The following TPR variants were observed in gnomAD, a reference collection of about 807,000 sequenced individuals.
The protein encoded by TPR is translocated promoter region, nuclear basket protein, also known as nucleoprotein TPR.
TPR carries 51 observed loss-of-function variants against 316.1 expected under a neutral mutation model. The observed-to-expected ratio is 0.16, with a 90% confidence interval of 0.13 to 0.20. TPR has a LOEUF of 0.20. Ranked by LOEUF, TPR falls within the 10% of genes least tolerant of loss-of-function variation. The pLI is 1.00. For synonymous variants in TPR, 981 were observed against 914.7 expected (o/e 1.07, Z -1.31); for missense variants, 2,272 against 2,754.8 (o/e 0.82, Z 3.92).
intron 46 of TPR, 41 bp from the exon 47 acceptor site, chr1:186,318,869 C>T (rs762087201): frequency 6.6e-5 from 105 of 1,580,834 alleles, no homozygotes; most frequent in Admixed American, 4.6e-4. Flanking sequence ...CTGAAAAAAA[C>T]ATAAAATTAT....
At position 186,343,469 on chromosome 1, in the gene TPR, T is replaced by C. The variant is rs1658573459; in HGVS notation, c.3607A>G (p.Ile1203Val). Residue 1203 changes from isoleucine (I) to valine (V), a missense_variant, in exon 27 of 51, where the codon ATA (isoleucine) becomes GTA (valine). By Grantham distance (29) the Ile-to-Val change is conservative. Coordinates refer to ENST00000367478, the MANE Select transcript of TPR (RefSeq NM_003292.3). ...QEQILEILRF[I>V]RREKEIAETR... ...TCAGCAATTTCTTTTTCTCGTCGTA[T>C]AAATCTACAAAAATACAGATATTAA... 1.9e-6 allele frequency: 3 copies of C among 1,610,808 alleles called. No individual in the cohort carries two copies. The highest frequency in any genetic ancestry group is 2.5e-6 in the Non-Finnish European group (3 of 1,179,178).
At position 186,359,929 on chromosome 1, in the gene TPR, T is replaced by C. The variant is rs1402885678; in HGVS notation, c.1259A>G (p.Asn420Ser). 1.7e-5 allele frequency: 28 copies of C among 1,609,850 alleles called. No individual in the cohort carries two copies. The highest frequency in any genetic ancestry group is 2.4e-5 in the Non-Finnish European group (28 of 1,178,962). ...TTTCACTATTTCATCTAGGTACTTATTAATTCTTTTGTTCTCTAGTTTCTC... is the reference window on the plus strand; with the variant it reads ...TTTCACTATTTCATCTAGGTACTTACTAATTCTTTTGTTCTCTAGTTTCTC... ...LLEKLENKRI[N>S]KYLDEIVKEV... Residue 420 changes from asparagine to serine, a missense_variant, in exon 12 of 51, where the codon AAT (asparagine) becomes AGT (serine). Asn to Ser is a conservative substitution (Grantham distance 46). Around this residue, in one of 10 missense-constraint regions of TPR, gnomAD observed 549 missense variants for 598.6 expected, o/e 0.92. Coordinates refer to ENST00000367478, the MANE Select transcript of TPR (RefSeq NM_003292.3).
chr1:186,342,835 G>A (rs1658549577), intron 27 of TPR: 1 of 152,074 alleles, frequency 6.6e-6, no homozygotes, highest in African/African-American at 2.4e-5. Flanking sequence ...CTTTTCCTTT[G>A]GTTGTTAGTT....
intron 42 of TPR, 94 bp from the exon 43 acceptor site, chr1:186,323,964 G>T: frequency 7.8e-7 from 1 of 1,274,312 alleles, no homozygotes; most frequent in South Asian, 1.5e-5. Context: ...CAACAGGAAT[G>T]TTCACCGTAC....
Position 186,346,128 on chromosome 1 carries a change from T to C in TPR, c.3096+7A>G. 6.3e-7 allele frequency: 1 copy of C among 1,596,434 alleles called. No individual in the cohort carries two copies. Among genetic ancestry groups the C allele is most frequent in the Non-Finnish European group, 8.5e-7 (1 of 1,173,602 alleles). ...AAAAAAAAAATTAATACGGTTAACC[T>C]ATTTACCTGTTGTTCCATGCTCTCT... is the stretch of plus-strand genomic sequence containing the variant. On this transcript the variant is annotated splice_region_variant and intron_variant, in intron 23 of 50. Coordinates refer to ENST00000367478, the MANE Select transcript of TPR (RefSeq NM_003292.3).
At chr1:186,336,331 G>C (rs905861453) in intron 33 of TPR, among the ~76,000 whole-genome samples, 165 bp downstream of exon 33, 7 of 152,082 alleles carry the variant, frequency 4.6e-5, no homozygotes, top group African/African-American at 1.7e-4. Context: ...TGAAAATTAG[G>C]ATTGCTCTTT....
chr1:186,328,703 T>C (rs958385237), intron 39 of TPR, among the ~76,000 whole-genome samples: 3 of 152,186 alleles, frequency 2.0e-5, no homozygotes, highest in Non-Finnish European at 2.9e-5. Context: ...CATTGTCCTT[T>C]TACAAAGAAC....
At chr1:186,373,333 C>G (rs1659590049) in intron 2 of TPR, 26 bp downstream of exon 2, 1 of 1,555,230 alleles carries the variant, frequency 6.4e-7, no homozygotes, top group African/African-American at 1.4e-5. Flanking sequence ...TCCGAGAATA[C>G]TTACAAAGAT....
At chr1:186,342,668 G>A (rs1427110671) in intron 27 of TPR, 2 of 152,206 alleles carry the variant, frequency 1.3e-5, no homozygotes, top group African/African-American at 4.8e-5. Flanking sequence ...GTTAAAAGAA[G>A]ATAAATGTTT....
In TPR at chr1:186,327,603, G is replaced by C; in HGVS notation, c.5746C>G (p.Leu1916Val). 6.2e-7 allele frequency: 1 copy of C among 1,612,908 alleles called. No homozygotes were observed. Among genetic ancestry groups the C allele is most frequent in the South Asian group, 1.1e-5 (1 of 91,062 alleles). The change falls in exon 40 of 51, where the codon CTA (leucine) becomes GTA (valine). Residue 1916 changes from leucine to valine, a missense_variant. By Grantham distance (32) the Leu-to-Val change is conservative. Transcript: ENST00000367478. Reference protein sequence around the residue: ...MEDSEETSQSLQIDLGPLQSD... With the variant: ...MEDSEETSQSVQIDLGPLQSD... The stretch of plus-strand genomic sequence containing the variant: ...TGAAGTGGCCCAAGATCTATTTGTA[G>C]AGACTGAGAGGTTTCTTCACTGTCT...
intron 21 of TPR, among the ~76,000 whole-genome samples, chr1:186,347,780 G>A (rs1170059932): frequency 2.0e-5 from 3 of 152,118 alleles, no homozygotes; most frequent in Non-Finnish European, 4.4e-5. Context: ...TAAATGTTAC[G>A]GGAAGTCAGG....
At chr1:186,318,307 G>A (rs1175310178) in intron 48 of TPR, 140 bp downstream of exon 48, 7 of 1,110,610 alleles carry the variant, frequency 6.3e-6, no homozygotes, top group East Asian at 5.2e-5. Flanking sequence ...CAGCATGGGC[G>A]ACAGAGCGAG....
At chr1:186,365,503 T>C (rs1044112734) in intron 4 of TPR, among the ~76,000 whole-genome samples, 10 of 152,138 alleles carry the variant, frequency 6.6e-5, no homozygotes, top group African/African-American at 2.4e-4. Flanking sequence ...CTCCCAAACA[T>C]GTTTCTAATT....
chr1:186,371,380 G>A (rs75008037), intron 2 of TPR, among the ~76,000 whole-genome samples: 21,353 of 152,134 alleles, frequency 0.14, 1,602 homozygotes, highest in Non-Finnish European at 0.16. Flanking sequence ...GTACTTAGCA[G>A]TAAGAAAATG....
intron 39 of TPR, 28 bp downstream of exon 39, chr1:186,331,470 G>A: frequency 6.6e-7 from 1 of 1,514,088 alleles, no homozygotes; most frequent in Non-Finnish European, 9.1e-7. Context: ...AAGCAACGGT[G>A]TGGTACTTTA....
chr1:186,356,311 T>G lies in TPR; in HGVS notation c.1863A>C (p.Thr621=). 2 of 1,608,454 alleles carry G rather than the reference T, an allele frequency of 1.2e-6. No homozygotes were observed. Among genetic ancestry groups the G allele is most frequent in the Non-Finnish European group, 1.7e-6 (2 of 1,176,116 alleles). Residue 621 remains threonine (T), a synonymous_variant, in exon 15 of 51, where the codon ACA becomes ACC. Transcript: ENST00000367478. ...CATGTAATGGAATGGCAACTCCTGT[T>G]GTTTGTGACAATAAAATACGGTACA... ...RDMYRILLSQ[T]TGVAIPLHAS...
chr1:186,375,104 C>T lies in TPR; in HGVS notation c.-76G>A. On this transcript the variant is annotated 5_prime_UTR_variant, in exon 1 of 51. Transcript: ENST00000367478. ...AGAAGAAAGGCGAAGACCAGCAGGA[C>T]CCAGACGCCTGGGCCGCCGCCTCTA... 6.3e-7 allele frequency: 1 copy of T among 1,589,082 alleles called. No individual in the cohort carries two copies. The highest frequency in any genetic ancestry group is 1.1e-5 in the South Asian group (1 of 88,834).
In TPR at chr1:186,356,394, G is replaced by A. The variant is rs181905365; in HGVS notation, c.1780C>T (p.Arg594Cys). 17 of 1,613,782 alleles carry A rather than the reference G, an allele frequency of 1.1e-5. No homozygotes were observed. The highest frequency in any genetic ancestry group is 4.5e-5 in the East Asian group (2 of 44,872). The part of the protein sequence containing the change: ...ESALTELEQL[R>C]KSRQHQMQLV... Reference sequence around the variant, plus strand: ...TGCATTTGATGCTGTCGTGATTTGCGGAGTTGTTCTAGTTCAGTAAGGGCA... The same window carrying A: ...TGCATTTGATGCTGTCGTGATTTGCAGAGTTGTTCTAGTTCAGTAAGGGCA... The change falls in exon 15 of 51, where the codon CGC becomes TGC. Residue 594 changes from arginine (R) to cysteine (C), a missense_variant. Coordinates refer to ENST00000367478, the MANE Select transcript of TPR (RefSeq NM_003292.3).
chr1:186,320,755 G>T (rs1238880947), intron 45 of TPR, among the ~76,000 whole-genome samples: 1 of 152,034 alleles, frequency 6.6e-6, no homozygotes, highest in Non-Finnish European at 1.5e-5. Flanking sequence ...ATAACAAAAA[G>T]AGTTGTTAGA....
Sources: gnomAD v4.1 joint callset for allele counts (sites outside exome capture counted in the v4.1 genomes callset) on GRCh38, gnomAD v4.1.1 for gene constraint, gnomAD v4.1.1 regional missense constraint, MANE v1.5 for transcripts, NCBI Gene and HGNC (gene_info 2026-07-23, HGNC 2026-07-21) for gene names.